The following FRS2 variants were observed in gnomAD, a reference collection of about 807,000 sequenced individuals.
The protein encoded by FRS2 is fibroblast growth factor receptor substrate 2, also known as FGFR signalling adaptor.
A neutral mutation model predicts 43.9 loss-of-function variants in FRS2; 8 were observed. That is an observed-to-expected ratio of 0.18 (90% CI 0.11 to 0.33). The LOEUF (loss-of-function observed/expected upper bound fraction) is 0.33. Ranked by LOEUF, FRS2 falls within the 10% of genes least tolerant of loss-of-function variation. The pLI is 1.00. For missense variants in FRS2, 534 were observed against 627.6 expected (o/e 0.85, Z 1.59); for synonymous variants, 219 against 220.3 (o/e 0.99, Z 0.05).
chr12:69,533,130 T>C (rs868769179), intron 3 of FRS2, among the ~76,000 whole-genome samples: 9 of 152,286 alleles, frequency 5.9e-5, no homozygotes, highest in Middle Eastern at 6.8e-3. Flanking sequence ...GTATAACAAC[T>C]AGGATAGTCT....
At chr12:69,505,418 T>C (rs920024393) in intron 1 of FRS2, among the ~76,000 whole-genome samples, 1 of 152,204 alleles carries the variant, frequency 6.6e-6, no homozygotes, top group African/African-American at 2.4e-5. Context: ...TGTTTAGCAA[T>C]AGGGTAAATA....
intron 3 of FRS2, among the ~76,000 whole-genome samples, chr12:69,551,622 G>A (rs1828504447): frequency 6.6e-6 from 1 of 152,156 alleles, no homozygotes; most frequent in African/African-American, 2.4e-5. Flanking sequence ...AATTTTGATT[G>A]ATTTCTTCAC....
intron 1 of FRS2, among the ~76,000 whole-genome samples, chr12:69,513,724 AC>A (rs1237583883): frequency 6.6e-6 from 1 of 152,106 alleles, no homozygotes; most frequent in Non-Finnish European, 1.5e-5. Context: ...CCTAAAAATG[AC>A]CCTTGGGGGT....
chr12:69,559,186 G>A (rs1879675663), intron 3 of FRS2, among the ~76,000 whole-genome samples: 1 of 152,170 alleles, frequency 6.6e-6, no homozygotes, highest in Admixed American at 6.5e-5. Context: ...CCACAGAAAA[G>A]TGAATTGATG....
At position 69,528,923 on chromosome 12, in the gene FRS2, C is replaced by T. The variant is rs529010959; in HGVS notation, c.-260-1942C>T. On this transcript the variant is annotated intron_variant, in intron 1 of 8. Transcript: ENST00000549921. The stretch of plus-strand genomic sequence containing the variant: ...CCTGAGATCCTGAAGTGAGAAGGTG[C>T]TTGATAAGTTTAAGGAAAGGAAAGA... 1.8e-4 allele frequency among the ~76,000 whole-genome samples: 28 copies of T among 152,126 alleles called. No homozygotes were observed. The South Asian group carries it at 5.4e-3, about 29-fold the overall frequency.
chr12:69,485,317 G>T (rs1482510977), intron 1 of FRS2, among the ~76,000 whole-genome samples: 2 of 151,764 alleles, frequency 1.3e-5, no homozygotes, highest in Non-Finnish European at 2.9e-5. Flanking sequence ...CAAGTAGCTG[G>T]GACTACAGGC....
At chr12:69,516,988 T>A (rs1431729778) in intron 1 of FRS2, among the ~76,000 whole-genome samples, 1 of 152,198 alleles carries the variant, frequency 6.6e-6, no homozygotes, top group Non-Finnish European at 1.5e-5. Flanking sequence ...AATTCAAAAC[T>A]TTTTGAGCAC....
At chr12:69,481,106 A>G (rs1337238519) in intron 1 of FRS2, among the ~76,000 whole-genome samples, 1 of 152,212 alleles carries the variant, frequency 6.6e-6, no homozygotes, top group African/African-American at 2.4e-5. Context: ...CCCTTTATCC[A>G]TAGTCACTAA....
At chr12:69,484,226 A>G (rs1396244059) in intron 1 of FRS2, among the ~76,000 whole-genome samples, 2 of 151,788 alleles carry the variant, frequency 1.3e-5, no homozygotes, top group African/African-American at 4.8e-5. Flanking sequence ...CTGGGACTAC[A>G]GGCGCCCACC....
At chr12:69,526,933 C>T (rs1876298322) in intron 1 of FRS2, among the ~76,000 whole-genome samples, 1 of 152,094 alleles carries the variant, frequency 6.6e-6, no homozygotes, top group African/African-American at 2.4e-5. Context: ...CCATGTTATC[C>T]AGGATGGTCT....
chr12:69,518,280 C>T (rs917722806), intron 1 of FRS2, among the ~76,000 whole-genome samples: 1 of 152,158 alleles, frequency 6.6e-6, no homozygotes, highest in African/African-American at 2.4e-5. Context: ...TGAGAAATTA[C>T]CTTAGAATTT....
chr12:69,521,407 C>T (rs145282089), intron 1 of FRS2, among the ~76,000 whole-genome samples: 153 of 152,122 alleles, frequency 1.0e-3, no homozygotes, highest in African/African-American at 3.3e-3. Context: ...TTCTCTTGCC[C>T]GATTGCTCTG....
intron 1 of FRS2, among the ~76,000 whole-genome samples, chr12:69,483,948 G>T (rs1284134844): frequency 6.6e-6 from 1 of 152,152 alleles, no homozygotes; most frequent in Non-Finnish European, 1.5e-5. Flanking sequence ...CTTACTAGGC[G>T]AGAAAGGTAC....
intron 3 of FRS2, among the ~76,000 whole-genome samples, chr12:69,536,879 T>A (rs1877371732): frequency 6.6e-6 from 1 of 152,132 alleles, no homozygotes; most frequent in Admixed American, 6.5e-5. Flanking sequence ...CTGATTTACG[T>A]GTATTTCTGT....
intron 1 of FRS2, among the ~76,000 whole-genome samples, chr12:69,506,114 G>A (rs1873904866): frequency 6.6e-6 from 1 of 152,102 alleles, no homozygotes; most frequent in African/African-American, 2.4e-5. Context: ...AACACTATTT[G>A]AGTTGGCTTG....
At chr12:69,471,046 TC>T in intron 1 of FRS2, among the ~76,000 whole-genome samples, 1 of 152,252 alleles carries the variant, frequency 6.6e-6, no homozygotes, top group East Asian at 1.9e-4. Context: ...GCAGGGCTTT[TC>T]ATCCAGATTT....
Position 69,571,386 on chromosome 12 carries a change from AATC to A in FRS2, c.369_371del (p.His123del), listed in dbSNP as rs1250664717. ...GGAAGAGCCAGTTGTAGAAAGAAAT[AATC>A]ATCAGACAGAATTGGAAGTCCCTAG... On this transcript the variant is annotated inframe_deletion, in exon 7 of 9. Transcript: ENST00000549921. 8 of 1,612,708 alleles carry A rather than the reference AATC, an allele frequency of 5.0e-6. No individual in the cohort carries two copies. In the South Asian group the frequency reaches 8.8e-5, roughly 18 times the overall value.
intron 1 of FRS2, among the ~76,000 whole-genome samples, chr12:69,486,584 C>G (rs1434124069): frequency 6.6e-6 from 1 of 152,162 alleles, no homozygotes; most frequent in Non-Finnish European, 1.5e-5. Context: ...TCACACATCT[C>G]TCACTTTAAA....
chr12:69,503,394 A>G (rs1429975890), intron 1 of FRS2, among the ~76,000 whole-genome samples: 1 of 152,170 alleles, frequency 6.6e-6, no homozygotes, highest in Non-Finnish European at 1.5e-5. Flanking sequence ...TCTTAAAGTT[A>G]GCCTGATCAT....
Sources: gnomAD v4.1 joint callset for allele counts (sites outside exome capture counted in the v4.1 genomes callset) on GRCh38, gnomAD v4.1.1 for gene constraint, MANE v1.5 for transcripts, NCBI Gene and HGNC (gene_info 2026-07-23, HGNC 2026-07-21) for gene names.